Variants in DLG2 observed in about 807,000 individuals in gnomAD.
DLG2 encodes disks large homolog 2.
A neutral mutation model predicts 132.5 loss-of-function variants in DLG2; 45 were observed. That is an observed-to-expected ratio of 0.34 (90% CI 0.27 to 0.44). The LOEUF is 0.44. Ranked by LOEUF, DLG2 falls within the 20% of genes least tolerant of loss-of-function variation. The probability of loss-of-function intolerance (pLI) is 1.00; values close to 1 mark genes in which losing one functional copy is unlikely to be tolerated. For synonymous variants in DLG2, 424 were observed against 419.6 expected (o/e 1.01, Z -0.13); for missense variants, 1,045 against 1,196.9 (o/e 0.87, Z 1.87).
At chr11:83,865,399 C>T (rs766324493) in intron 16 of DLG2, among the ~76,000 whole-genome samples, 3 of 151,162 alleles carry the variant, frequency 2.0e-5, no homozygotes, top group Admixed American at 6.6e-5. Context: ...CCTGAGATGC[C>T]TTTGTAAATT....
At chr11:85,504,195 G>C (rs988464505) in intron 3 of DLG2, among the ~76,000 whole-genome samples, 11 of 152,070 alleles carry the variant, frequency 7.2e-5, no homozygotes, top group African/African-American at 2.7e-4. Flanking sequence ...TTCTTTTGCT[G>C]TGCAGAAGCT....
At chr11:83,908,845 C>T (rs1292358886) in intron 15 of DLG2, among the ~76,000 whole-genome samples, 3 of 152,102 alleles carry the variant, frequency 2.0e-5, no homozygotes, top group Admixed American at 6.5e-5. Flanking sequence ...GTGATTCTCC[C>T]ACCTTGGCCT....
At chr11:84,348,007 A>T (rs1337945178) in intron 7 of DLG2, among the ~76,000 whole-genome samples, 1 of 152,198 alleles carries the variant, frequency 6.6e-6, no homozygotes, top group Admixed American at 6.5e-5. Flanking sequence ...ATTTGGAACA[A>T]CAATAACATT....
intron 6 of DLG2, among the ~76,000 whole-genome samples, chr11:85,106,805 A>T (rs2071830401): frequency 6.6e-6 from 1 of 152,034 alleles, no homozygotes; most frequent in Non-Finnish European, 1.5e-5. Flanking sequence ...ACTTTAACAC[A>T]AATTTCATTC....
At chr11:85,418,912 G>C (rs1219740574) in intron 3 of DLG2, among the ~76,000 whole-genome samples, 2 of 152,010 alleles carry the variant, frequency 1.3e-5, no homozygotes, top group Non-Finnish European at 2.9e-5. Flanking sequence ...CTTTTAATTG[G>C]GGCATTTAGC....
Position 83,797,242 on chromosome 11 carries a change from A to T in DLG2, c.1723-10450T>A, listed in dbSNP as rs77220528. On this transcript the variant is annotated intron_variant, in intron 17 of 27. Coordinates refer to ENST00000376104, the MANE Select transcript of DLG2 (RefSeq NM_001142699.3). ...GAAAAGAAGAAGAAGAAGAAGAAGAAGAAGATGATGATGATGGTGATGATG... is the reference window on the plus strand; with the variant it reads ...GAAAAGAAGAAGAAGAAGAAGAAGATGAAGATGATGATGATGGTGATGATG... 3.5e-3 allele frequency among the ~76,000 whole-genome samples: 475 copies of T among 134,780 alleles called. 2 individuals are homozygous for T. Among genetic ancestry groups the T allele is most frequent in the East Asian group, 0.033 (162 of 4,864 alleles). 88.4% of individuals were successfully genotyped at this position (134,780 alleles called of 152,430 possible). A position where few individuals can be genotyped will look rare whatever the true frequency, so the allele number is the denominator to read the frequency against.
At chr11:85,097,906 C>T (rs1158122131) in intron 6 of DLG2, among the ~76,000 whole-genome samples, 1 of 152,154 alleles carries the variant, frequency 6.6e-6, no homozygotes, top group Non-Finnish European at 1.5e-5. Context: ...ATTTTGCCCT[C>T]TTTAGGGGTA....
intron 4 of DLG2, among the ~76,000 whole-genome samples, chr11:85,195,159 G>T (rs761181326): frequency 2.0e-4 from 31 of 152,146 alleles, no homozygotes; most frequent in Admixed American, 1.3e-4. Flanking sequence ...GATGGCCCCT[G>T]GAGGAACATC....
At chr11:83,686,787 T>C (rs565241187) in intron 18 of DLG2, among the ~76,000 whole-genome samples, 1 of 152,180 alleles carries the variant, frequency 6.6e-6, no homozygotes, top group African/African-American at 2.4e-5. Flanking sequence ...ATCCTGTGTA[T>C]GACTTTGATA....
chr11:84,129,558 C>G (rs2094326334), intron 9 of DLG2, among the ~76,000 whole-genome samples: 1 of 152,006 alleles, frequency 6.6e-6, no homozygotes, highest in South Asian at 2.1e-4. Context: ...GTCATCTTGC[C>G]TCAAAACAGC....
At chr11:84,240,329 A>G (rs749345611) in intron 8 of DLG2, among the ~76,000 whole-genome samples, 4 of 152,226 alleles carry the variant, frequency 2.6e-5, no homozygotes, top group Non-Finnish European at 2.9e-5. Context: ...AAAGAAATAC[A>G]TTCCTATCTT....
At position 83,459,753 on chromosome 11, in the gene DLG2, G is replaced by A; in HGVS notation, c.*65C>T. The stretch of plus-strand genomic sequence containing the variant: ...ACAAAAACATAAAAGCCTCCAAGTA[G>A]TATGTTATATATATTTTGTTCTTCT... On this transcript the variant is annotated 3_prime_UTR_variant, in exon 28 of 28. Transcript: ENST00000376104. 5.9e-6 allele frequency: 5 copies of A among 847,014 alleles called. No homozygotes were observed. The highest frequency in any genetic ancestry group is 1.0e-5 in the Non-Finnish European group (5 of 499,966). The allele number at this position is 847,014 out of a possible 1,614,324, so 52.5% of individuals were successfully genotyped here.
intron 6 of DLG2, among the ~76,000 whole-genome samples, chr11:84,978,820 T>G (rs1043508119): frequency 6.6e-6 from 1 of 152,142 alleles, no homozygotes; most frequent in African/African-American, 2.4e-5. Context: ...AAATGGGATC[T>G]AATTAAACTA....
chr11:85,079,026 G>C (rs975807673), intron 6 of DLG2, among the ~76,000 whole-genome samples: 27 of 152,020 alleles, frequency 1.8e-4, no homozygotes, highest in Non-Finnish European at 2.5e-4. Context: ...TGTTTTAGGG[G>C]GGGGGTCTGA....
rs763897232 is a variant in DLG2 at position 84,387,285 on chromosome 11, C to T, written c.520-135994G>A. On this transcript the variant is annotated intron_variant, in intron 7 of 27. Transcript: ENST00000376104. ...TACAGCAAAGGTGATGGATGTCACC[C>T]TTTTTATTAGGTTACATTAAAGTTG... 3.3e-5 allele frequency among the ~76,000 whole-genome samples: 5 copies of T among 152,086 alleles called. No homozygotes were observed. The East Asian group carries it at 9.7e-4, about 29-fold the overall frequency.
intron 6 of DLG2, among the ~76,000 whole-genome samples, chr11:84,654,572 G>A (rs2099685943): frequency 6.6e-6 from 1 of 152,130 alleles, no homozygotes; most frequent in Non-Finnish European, 1.5e-5. Flanking sequence ...TCACCATTTA[G>A]TAAGTCCTGT....
chr11:85,018,721 A>G (rs920621038), intron 6 of DLG2, among the ~76,000 whole-genome samples: 1 of 152,130 alleles, frequency 6.6e-6, no homozygotes, highest in African/African-American at 2.4e-5. Flanking sequence ...AAAGATTGTA[A>G]TCATACAATT....
intron 5 of DLG2, among the ~76,000 whole-genome samples, chr11:85,117,873 A>C (rs1272778381): frequency 6.6e-6 from 1 of 152,014 alleles, no homozygotes; most frequent in Non-Finnish European, 1.5e-5. Context: ...TGTAAATGGA[A>C]AGTTATGAGA....
rs115162761 is a variant in DLG2 at position 85,361,517 on chromosome 11, C to T, written c.41-76152G>A. Among the ~76,000 whole-genome samples, 950 of 152,222 alleles carry T rather than the reference C, an allele frequency of 6.2e-3. 9 individuals are homozygous for T. The highest frequency in any genetic ancestry group is 0.022 in the African/African-American group (912 of 41,548). The stretch of plus-strand genomic sequence containing the variant: ...ATTCCACTCTGCATGTCCATGTGTA[C>T]GCATTGTTTAGTTCCCTCTTGTAAG... On this transcript the variant is annotated intron_variant, in intron 3 of 27. Coordinates refer to ENST00000376104, the MANE Select transcript of DLG2 (RefSeq NM_001142699.3).
Sources: allele counts gnomAD v4.1 joint callset (sites outside exome capture counted in the v4.1 genomes callset), GRCh38; gene constraint gnomAD v4.1.1; transcripts MANE v1.5; gene names NCBI Gene and HGNC (gene_info 2026-07-23, HGNC 2026-07-21).